The following CFAP61 variants were observed in gnomAD, a reference collection of about 807,000 sequenced individuals.
CFAP61 encodes the protein cilia and flagella associated protein 61, also known as cilia- and flagella-associated protein 61.
In CFAP61, 107 loss-of-function variants were observed where a neutral mutation model predicts 135.6. The ratio of observed to expected loss-of-function variants is 0.79; its 90% CI spans 0.67 to 0.93. The LOEUF is 0.93. Ranked by LOEUF, CFAP61 falls within the 40% of genes least tolerant of loss-of-function variation. CFAP61 has a pLI of 0.00. For synonymous variants in CFAP61, 575 were observed against 578.5 expected (o/e 0.99, Z 0.09); for missense variants, 1,507 against 1,556.2 (o/e 0.97, Z 0.53).
At chr20:20,356,503 G>A (rs2059178081) in intron 26 of CFAP61, among the ~76,000 whole-genome samples, 2 of 134,126 alleles carry the variant, frequency 1.5e-5, no homozygotes, top group African/African-American at 2.8e-5. Flanking sequence ...GAGGGGAGAT[G>A]GTCACACTGA....
At chr20:20,183,937 A>G (rs530427616) in intron 13 of CFAP61, among the ~76,000 whole-genome samples, 2 of 152,324 alleles carry the variant, frequency 1.3e-5, no homozygotes, top group African/African-American at 4.8e-5. Context: ...TCTTTGGTGA[A>G]TATGAATAGC....
chr20:20,224,626 G>T (rs2048605737), intron 17 of CFAP61, among the ~76,000 whole-genome samples: 1 of 152,120 alleles, frequency 6.6e-6, no homozygotes, highest in African/African-American at 2.4e-5. Flanking sequence ...GGAGGCGGAG[G>T]TTGCAGTAGC....
chr20:20,302,288 G>A (rs1198145111), intron 25 of CFAP61, among the ~76,000 whole-genome samples: 1 of 152,290 alleles, frequency 6.6e-6, no homozygotes, highest in African/African-American at 2.4e-5. Context: ...TCTGCAAATA[G>A]TGACAGCTTT....
chr20:20,245,433 A>G (rs2050372574), intron 18 of CFAP61, among the ~76,000 whole-genome samples: 1 of 152,116 alleles, frequency 6.6e-6, no homozygotes, highest in South Asian at 2.1e-4. Flanking sequence ...TGTGCAGGGA[A>G]ACTCCTATTT....
intron 10 of CFAP61, among the ~76,000 whole-genome samples, chr20:20,163,695 C>T (rs796588708): frequency 1.4e-4 from 21 of 151,622 alleles, no homozygotes; most frequent in African/African-American, 4.4e-4. Flanking sequence ...TGGTGGTTTG[C>T]GGCACCTATC....
At chr20:20,315,314 T>C (rs1401669163) in intron 25 of CFAP61, among the ~76,000 whole-genome samples, 1 of 151,324 alleles carries the variant, frequency 6.6e-6, no homozygotes, top group African/African-American at 2.4e-5. Flanking sequence ...TTCATGTGTT[T>C]TTTGGCTGCA....
chr20:20,340,661 C>T (rs529285954), intron 25 of CFAP61, among the ~76,000 whole-genome samples: 29 of 152,202 alleles, frequency 1.9e-4, no homozygotes, highest in Middle Eastern at 3.4e-3. Flanking sequence ...AGCGAGCAGG[C>T]GGTTCCGCCA....
At chr20:20,080,445 T>TA (rs999356115) in intron 6 of CFAP61, among the ~76,000 whole-genome samples, 30 of 152,200 alleles carry the variant, frequency 2.0e-4, no homozygotes, top group Admixed American at 6.5e-4. Context: ...TTGTTTCCTG[T>TA]AAAAAATTTA....
intron 18 of CFAP61, among the ~76,000 whole-genome samples, chr20:20,231,152 C>A (rs1556024): frequency 0.36 from 55,051 of 152,018 alleles, 10,331 homozygotes; most frequent in East Asian, 0.56. Flanking sequence ...CAAACTCACT[C>A]CCTGATATTC....
At chr20:20,331,970 A>G (rs1028682172) in intron 25 of CFAP61, among the ~76,000 whole-genome samples, 7 of 152,240 alleles carry the variant, frequency 4.6e-5, no homozygotes, top group Non-Finnish European at 7.3e-5. Flanking sequence ...GCAGAATTAA[A>G]TGCTAACCTT....
intron 9 of CFAP61, among the ~76,000 whole-genome samples, chr20:20,148,489 G>C (rs933790646): frequency 6.6e-6 from 1 of 152,014 alleles, no homozygotes; most frequent in Non-Finnish European, 1.5e-5. Context: ...TATATTCCTA[G>C]GGTTTTTTTG....
chr20:20,355,842 A>C (rs1180233085), intron 26 of CFAP61, among the ~76,000 whole-genome samples: 5 of 117,402 alleles, frequency 4.3e-5, no homozygotes, highest in African/African-American at 1.8e-4. Context: ...CTGTGAGGGG[A>C]GGTGGTCACA....
intron 24 of CFAP61, among the ~76,000 whole-genome samples, chr20:20,294,702 G>A (rs1363387950): frequency 6.6e-6 from 1 of 152,072 alleles, no homozygotes; most frequent in Non-Finnish European, 1.5e-5. Flanking sequence ...GCCGAGGCGG[G>A]TGGATCATGA....
At chr20:20,342,575 T>A (rs2058485231) in intron 26 of CFAP61, among the ~76,000 whole-genome samples, 1 of 152,252 alleles carries the variant, frequency 6.6e-6, no homozygotes, top group Non-Finnish European at 1.5e-5. Flanking sequence ...CCAGCCTGGC[T>A]CTACCCTGCT....
At chr20:20,353,704 A>T (rs34066449) in intron 26 of CFAP61, among the ~76,000 whole-genome samples, 39,383 of 152,102 alleles carry the variant, frequency 0.26, 5,734 homozygotes, top group Admixed American at 0.35. Flanking sequence ...AGCTACGAGG[A>T]CTTACTGTGA....
intron 4 of CFAP61, 69 bp from the exon 5 acceptor site, chr20:20,075,120 C>T: frequency 7.0e-7 from 1 of 1,423,712 alleles, no homozygotes; most frequent in Non-Finnish European, 9.9e-7. Context: ...CAGCATTTGT[C>T]TTCATCAAGT....
At chr20:20,266,603 G>A (rs2052761357) in intron 21 of CFAP61, among the ~76,000 whole-genome samples, 1 of 152,196 alleles carries the variant, frequency 6.6e-6, no homozygotes, top group East Asian at 1.9e-4. Context: ...TTGAGATGAA[G>A]ACAAGAGAAC....
chr20:20,106,123 A>G (rs1352305917), intron 8 of CFAP61, among the ~76,000 whole-genome samples: 1 of 148,582 alleles, frequency 6.7e-6, no homozygotes, highest in African/African-American at 2.6e-5. Context: ...CAAATAAATC[A>G]TACCAGACCT....
At chr20:20,198,587 C>G (rs1442368574) in intron 16 of CFAP61, among the ~76,000 whole-genome samples, 2 of 152,164 alleles carry the variant, frequency 1.3e-5, no homozygotes, top group Non-Finnish European at 2.9e-5. Flanking sequence ...CCAAATTCTG[C>G]TATAAATCTC....
Sources: allele counts gnomAD v4.1 joint callset (sites outside exome capture counted in the v4.1 genomes callset), GRCh38; gene constraint gnomAD v4.1.1; transcripts MANE v1.5; gene names NCBI Gene and HGNC (gene_info 2026-07-23, HGNC 2026-07-21).